Variants in MYO1D observed in about 807,000 individuals in gnomAD.
MYO1D encodes unconventional myosin-Id.
In MYO1D, 83 loss-of-function variants were observed where a neutral mutation model predicts 122.0. That is an observed-to-expected ratio of 0.68 (90% CI 0.57 to 0.82). The LOEUF (loss-of-function observed/expected upper bound fraction) is 0.82, where lower values mean the gene tolerates loss of function less well. MYO1D is among the 40% of genes least tolerant of loss of function. The pLI is 0.00. For synonymous variants in MYO1D, 464 were observed against 446.9 expected (o/e 1.04, Z -0.48); for missense variants, 1,157 against 1,269.5 (o/e 0.91, Z 1.35).
At chr17:32,695,945 G>A (rs1386908823) in intron 16 of MYO1D, among the ~76,000 whole-genome samples, 1 of 152,036 alleles carries the variant, frequency 6.6e-6, no homozygotes, top group Non-Finnish European at 1.5e-5. Context: ...TTACTTTTAG[G>A]GGATCTTCAA....
intron 17 of MYO1D, 70 bp from the exon 18 acceptor site, chr17:32,654,691 T>C (rs2088451018): frequency 7.1e-7 from 1 of 1,410,674 alleles, no homozygotes; most frequent in Non-Finnish European, 9.4e-7. Context: ...TCTCTTTTTT[T>C]TTTTCTTTTT....
intron 20 of MYO1D, among the ~76,000 whole-genome samples, chr17:32,628,059 T>C (rs2087951224): frequency 6.6e-6 from 1 of 152,208 alleles, no homozygotes; most frequent in Non-Finnish European, 1.5e-5. Flanking sequence ...TTGGACACAA[T>C]ATTGCTAATT....
At chr17:32,629,198 G>A (rs555997487) in intron 20 of MYO1D, among the ~76,000 whole-genome samples, 6 of 152,212 alleles carry the variant, frequency 3.9e-5, no homozygotes, top group Non-Finnish European at 2.9e-5. Context: ...TAAAATGATA[G>A]TGGTTCCCGT....
At chr17:32,598,427 TTTG>T (rs1183395588) in intron 21 of MYO1D, among the ~76,000 whole-genome samples, 15 of 152,160 alleles carry the variant, frequency 9.9e-5, no homozygotes, top group Non-Finnish European at 2.1e-4. Flanking sequence ...CCCAAATGTA[TTTG>T]ACTTTGGGTT....
At chr17:32,584,594 T>G (rs1048554398) in intron 21 of MYO1D, among the ~76,000 whole-genome samples, 1 of 151,990 alleles carries the variant, frequency 6.6e-6, no homozygotes, top group Non-Finnish European at 1.5e-5. Context: ...GTGATCCTCC[T>G]GCCTGCCTCA....
Position 32,521,822 on chromosome 17 carries a change from G to A in MYO1D, c.2865-26907C>T, listed in dbSNP as rs895183452. On this transcript the variant is annotated intron_variant, in intron 21 of 21. Coordinates refer to ENST00000318217, the MANE Select transcript of MYO1D (RefSeq NM_015194.3). ...AATTAGGCCAGGCGCGGTGGCTCAC[G>A]CCTGTAATCCCCGCACTTTGGGAGG... Among the ~76,000 whole-genome samples, 11 of 152,208 alleles carry A rather than the reference G, an allele frequency of 7.2e-5. No homozygotes were observed. In the South Asian group the frequency reaches 8.3e-4, roughly 11 times the overall value.
At chr17:32,602,858 A>T (rs1375200856) in intron 21 of MYO1D, 1 of 152,222 alleles carries the variant, frequency 6.6e-6, no homozygotes, top group African/African-American at 2.4e-5. Context: ...TACAATGTGA[A>T]TTTCAATGTC....
At chr17:32,508,984 T>C (rs1909593882) in intron 21 of MYO1D, among the ~76,000 whole-genome samples, 1 of 152,202 alleles carries the variant, frequency 6.6e-6, no homozygotes. Context: ...AAGAATGAAT[T>C]TTTATAAAAT....
chr17:32,524,058 A>G (rs756866528), intron 21 of MYO1D, among the ~76,000 whole-genome samples: 10 of 152,360 alleles, frequency 6.6e-5, no homozygotes, highest in Middle Eastern at 6.8e-3. Context: ...TGCTGCTGCT[A>G]TTATGATTGC....
chr17:32,541,057 G>T (rs1223769699), intron 21 of MYO1D, among the ~76,000 whole-genome samples: 1 of 151,922 alleles, frequency 6.6e-6, no homozygotes, highest in Non-Finnish European at 1.5e-5. Context: ...AAAAGTTAAA[G>T]ATATGGTTTA....
At position 32,821,228 on chromosome 17, in the gene MYO1D, CA is replaced by C. The variant is rs1462532445; in HGVS notation, c.96-40445del. 7.9e-5 allele frequency among the ~76,000 whole-genome samples: 12 copies of C among 152,052 alleles called. 1 individual carries two copies. The highest frequency in any genetic ancestry group is 7.9e-4 in the Admixed American group (12 of 15,252). On this transcript the variant is annotated intron_variant, in intron 1 of 21. Transcript: ENST00000318217. ...TCTCATTCTTTTTTATGACTGGATG[CA>C]AGTATATATAATTTTTGTTTGTCAA...
At chr17:32,550,645 A>T (rs2087005787) in intron 21 of MYO1D, among the ~76,000 whole-genome samples, 2 of 152,202 alleles carry the variant, frequency 1.3e-5, no homozygotes, top group Non-Finnish European at 2.9e-5. Context: ...ACTTGCGAAT[A>T]TACTCTGCCT....
intron 16 of MYO1D, among the ~76,000 whole-genome samples, chr17:32,696,649 CCTT>C (rs1028496509): frequency 6.6e-6 from 1 of 152,166 alleles, no homozygotes; most frequent in Non-Finnish European, 1.5e-5. Context: ...TTAATTCTGT[CCTT>C]CTACGTGGCA....
intron 20 of MYO1D, among the ~76,000 whole-genome samples, chr17:32,629,479 A>C (rs1191803500): frequency 6.6e-6 from 1 of 152,230 alleles, no homozygotes; most frequent in Non-Finnish European, 1.5e-5. Flanking sequence ...TCACGCCTGT[A>C]ATCCCAGCAC....
chr17:32,784,905 A>C (rs1392144049), intron 1 of MYO1D, among the ~76,000 whole-genome samples: 1 of 152,292 alleles, frequency 6.6e-6, no homozygotes, highest in African/African-American at 2.4e-5. Flanking sequence ...GCTGGGGAAC[A>C]GTTGGAAATG....
chr17:32,854,068 GAATGAAAATTCAAATACTTT>G (rs1365944545), intron 1 of MYO1D, among the ~76,000 whole-genome samples: 3 of 152,228 alleles, frequency 2.0e-5, no homozygotes, highest in African/African-American at 7.2e-5. Flanking sequence ...CCTAAAAACA[GAATGAAAATTCAAATACTTT>G]TTTTACTAGC....
intron 1 of MYO1D, among the ~76,000 whole-genome samples, chr17:32,821,274 G>A (rs1336699548): frequency 6.6e-6 from 1 of 152,042 alleles, no homozygotes; most frequent in African/African-American, 2.4e-5. Flanking sequence ...CATTAAGCTG[G>A]GGGGAAAATG....
chr17:32,662,876 C>T (rs1261969481), intron 16 of MYO1D, among the ~76,000 whole-genome samples: 12 of 150,942 alleles, frequency 8.0e-5, no homozygotes, highest in Admixed American at 5.9e-4. Context: ...ATTTGAAAGT[C>T]TGTTCTTTAT....
intron 14 of MYO1D, among the ~76,000 whole-genome samples, chr17:32,736,718 T>C (rs2089705519): frequency 6.6e-6 from 1 of 152,264 alleles, no homozygotes; most frequent in African/African-American, 2.4e-5. Flanking sequence ...AACAATTCTT[T>C]TTCTAGTTAA....
Sources: allele counts gnomAD v4.1 joint callset (sites outside exome capture counted in the v4.1 genomes callset), GRCh38; gene constraint gnomAD v4.1.1; transcripts MANE v1.5; gene names NCBI Gene and HGNC (gene_info 2026-07-23, HGNC 2026-07-21).